Variants in REXO1 observed in about 807,000 individuals in gnomAD.
REXO1 encodes the protein REX1, RNA exonuclease 1 homolog.
REXO1 carries 42 observed loss-of-function variants against 102.6 expected under a neutral mutation model. The ratio of observed to expected loss-of-function variants is 0.41; its 90% CI spans 0.32 to 0.53. REXO1 has a LOEUF of 0.53. Ranked by LOEUF, REXO1 falls within the 20% of genes least tolerant of loss-of-function variation. REXO1 has a pLI of 0.27. For synonymous variants in REXO1, 908 were observed against 779.1 expected, an observed-to-expected ratio of 1.17 and a Z score of -2.76; for missense variants, 1,819 against 1,732.5, an observed-to-expected ratio of 1.05 and a Z score of -0.89.
chr19:1,821,694 CAG>C lies in REXO1; in HGVS notation c.2231-14_2231-13del, dbSNP rs769478753. The C allele has an allele frequency of 3.1e-5, 49 of 1,606,058 alleles. No individual in the cohort carries two copies. In the Admixed American group the frequency reaches 5.6e-4, roughly 18 times the overall value. ...GGCACCTGTGGGGGCTGGCGGGGCA[CAG>C]GGGGTGTGGGCACAGGGCGAGTGGC... On this transcript the variant is annotated splice_polypyrimidine_tract_variant and intron_variant, in intron 4 of 15. Transcript: ENST00000170168.
intron 4 of REXO1, chr19:1,821,893 C>G: frequency 1.7e-6 from 1 of 587,182 alleles, no homozygotes; most frequent in Non-Finnish European, 3.0e-6. Flanking sequence ...ACAGGTCAGG[C>G]TGCGGAGGCC....
rs755845516 is a variant in REXO1 at position 1,828,588 on chromosome 19, G to C, written c.201C>G (p.Pro67=). 5 of 1,603,024 alleles carry C rather than the reference G, an allele frequency of 3.1e-6. No homozygotes were observed. The highest frequency in any genetic ancestry group is 2.2e-5 in the East Asian group (1 of 44,876). The change falls in exon 2 of 16, where the codon CCC becomes CCG. Residue 67 remains proline (P), a synonymous_variant. Coordinates refer to ENST00000170168, the MANE Select transcript of REXO1 (RefSeq NM_020695.4). ...CCAGGGTGCCATTCTCCCTCTGCGC[G>C]GGGGGCTTGGGCAGCTCAGGGTTGT... ...DPYNPELPKP[P]AQRENGTLGL... is the part of the protein sequence containing the mutation.
chr19:1,818,969 G>A (rs544297343), intron 8 of REXO1, 49 bp downstream of exon 8: 170 of 1,565,566 alleles, frequency 1.1e-4, no homozygotes, highest in South Asian at 5.2e-4. Context: ...GGGCTGGGCC[G>A]GCAGAGGCCC....
At chr19:1,840,732 G>A (rs748932909) in intron 1 of REXO1, among the ~76,000 whole-genome samples, 12 of 149,526 alleles carry the variant, frequency 8.0e-5, no homozygotes, top group South Asian at 4.2e-4. Context: ...TCCTGGACCC[G>A]GGCCCACCCC....
chr19:1,844,538 T>C (rs909673030), intron 1 of REXO1, among the ~76,000 whole-genome samples: 3 of 152,158 alleles, frequency 2.0e-5, no homozygotes, highest in African/African-American at 7.2e-5. Context: ...GGGTACACAG[T>C]GGGTGGGCTT....
Position 1,817,283 on chromosome 19 carries a change from T to C in REXO1, c.3137A>G (p.Lys1046Arg), listed in dbSNP as rs2069396820. 6.2e-7 allele frequency: 1 copy of C among 1,613,240 alleles called. No homozygotes were observed. Among genetic ancestry groups the C allele is most frequent in the Non-Finnish European group, 8.5e-7 (1 of 1,180,020 alleles). Reference protein sequence around the residue: ...GRKERLEGFVKTFEKELSGDT... With the variant: ...GRKERLEGFVRTFEKELSGDT... ...TCCTGAGAGCTCTTTCTCAAAGGTC[T>C]TCACGAAGCCCTCAAGGCGCTCCTT... is the stretch of plus-strand genomic sequence containing the variant. The change falls in exon 12 of 16, where the codon AAG becomes AGG. Residue 1046 changes from lysine to arginine, a missense_variant. Lys to Arg is a conservative substitution (Grantham distance 26). Coordinates refer to ENST00000170168, the MANE Select transcript of REXO1 (RefSeq NM_020695.4).
rs1003651491 is a variant in REXO1 at position 1,838,241 on chromosome 19, C to T, written c.158-9610G>A. On this transcript the variant is annotated intron_variant, in intron 1 of 15. Coordinates refer to ENST00000170168, the MANE Select transcript of REXO1 (RefSeq NM_020695.4). The stretch of plus-strand genomic sequence containing the variant: ...CTGAGGCAGGAGAATTGCTTGAACC[C>T]GGAAGGTGGAGTCTGCAGTGAGCTG... Among the ~76,000 whole-genome samples, 24 of 150,410 alleles carry T rather than the reference C, an allele frequency of 1.6e-4. 1 individual carries two copies. The highest frequency in any genetic ancestry group is 4.2e-4 in the South Asian group (2 of 4,748).
In REXO1 at chr19:1,828,103, G is replaced by A. The variant is rs2069795606; in HGVS notation, c.686C>T (p.Pro229Leu). 6.2e-7 allele frequency: 1 copy of A among 1,612,948 alleles called. No individual in the cohort carries two copies. The highest frequency in any genetic ancestry group is 1.3e-5 in the African/African-American group (1 of 74,910). The change falls in exon 2 of 16, where the codon CCC becomes CTC. Residue 229 changes from proline (P) to leucine (L), a missense_variant. Physicochemically the swap from Pro to Leu is moderately conservative, Grantham distance 98. Coordinates refer to ENST00000170168, the MANE Select transcript of REXO1 (RefSeq NM_020695.4). ...GAGAGGGTCATACTCCAGGTCTGTG[G>A]GTGGCCTGGAGTTGTCCACCACGTA... ...GKYVVDNSRP[P>L]TDLEYDPLSN...
chr19:1,830,202 G>A (rs1398028107), intron 1 of REXO1, among the ~76,000 whole-genome samples: 1 of 152,198 alleles, frequency 6.6e-6, no homozygotes, highest in Non-Finnish European at 1.5e-5. Context: ...CTTGGAAGTT[G>A]ACCATTAGAA....
rs192242879 is a variant in REXO1 at position 1,822,276 on chromosome 19, A to T, written c.2231-594T>A. 3.1e-3 allele frequency: 554 copies of T among 179,300 alleles called. 1 individual carries two copies. Among genetic ancestry groups the T allele is most frequent in the Non-Finnish European group, 3.5e-3 (308 of 86,954 alleles). The allele number at this position is 179,300 out of a possible 1,614,324, so 11.1% of individuals were successfully genotyped here. On this transcript the variant is annotated intron_variant, in intron 4 of 15. Coordinates refer to ENST00000170168, the MANE Select transcript of REXO1 (RefSeq NM_020695.4). The stretch of plus-strand genomic sequence containing the variant: ...CATCTGGCCCTAGTCTCAGAGCAAC[A>T]TCCCTCGAAATGCCATCTGGCCCTG...
intron 3 of REXO1, among the ~76,000 whole-genome samples, chr19:1,825,041 C>T (rs918296254): frequency 4.2e-5 from 6 of 144,536 alleles, no homozygotes; most frequent in Non-Finnish European, 7.6e-5. Context: ...CACCTCTGGG[C>T]GCAGTGCCTC....
rs774540185 is a variant in REXO1, at chr19:1,816,668, C to A, written c.3317+30G>T. On this transcript the variant is annotated intron_variant, in intron 13 of 15. Coordinates refer to ENST00000170168, the MANE Select transcript of REXO1 (RefSeq NM_020695.4). ...CCCTGGGGAGAGGCGGCTGGGAGGG[C>A]TCCCAGCTCGTGGAGGGCACTGGCC... The A allele has an allele frequency of 2.5e-6, 4 of 1,607,412 alleles. No individual in the cohort carries two copies. The South Asian group carries it at 4.4e-5, about 18-fold the overall frequency.
At position 1,828,093 on chromosome 19, in the gene REXO1, C is replaced by T; in HGVS notation, c.696G>A (p.Leu232=). The part of the protein sequence containing the change: ...VVDNSRPPTD[L]EYDPLSNYSA... ...AGTAGTTGGAGAGAGGGTCATACTC[C>T]AGGTCTGTGGGTGGCCTGGAGTTGT... The change falls in exon 2 of 16, where the codon CTG becomes CTA. Residue 232 remains leucine, a synonymous_variant. Coordinates refer to ENST00000170168, the MANE Select transcript of REXO1 (RefSeq NM_020695.4). The T allele has an allele frequency of 1.2e-6, 2 of 1,613,172 alleles. No individual in the cohort carries two copies. The highest frequency in any genetic ancestry group is 1.7e-6 in the Non-Finnish European group (2 of 1,179,850).
chr19:1,817,055 G>A (rs1355699543), intron 12 of REXO1, 164 bp downstream of exon 12: 2 of 866,282 alleles, frequency 2.3e-6, no homozygotes, highest in Non-Finnish European at 3.5e-6. Context: ...CTGCTGGGAA[G>A]TATGGGGTGT....
At chr19:1,840,011 G>A (rs546607696) in intron 1 of REXO1, among the ~76,000 whole-genome samples, 1 of 152,322 alleles carries the variant, frequency 6.6e-6, no homozygotes, top group African/African-American at 2.4e-5. Flanking sequence ...TGTGAGAGGA[G>A]GAGGGAGGGG....
intron 1 of REXO1, among the ~76,000 whole-genome samples, chr19:1,832,404 G>A (rs145050102): frequency 2.6e-5 from 4 of 152,334 alleles, no homozygotes; most frequent in East Asian, 1.9e-4. Flanking sequence ...ACAGCTGCCC[G>A]CTGCCTGTAC....
At chr19:1,829,971 G>A (rs991460309) in intron 1 of REXO1, among the ~76,000 whole-genome samples, 1 of 152,154 alleles carries the variant, frequency 6.6e-6, no homozygotes, top group Non-Finnish European at 1.5e-5. Context: ...GTCTTCCCGG[G>A]GGGCAGCTGG....
At chr19:1,831,084 C>T (rs1384536840) in intron 1 of REXO1, among the ~76,000 whole-genome samples, 1 of 152,208 alleles carries the variant, frequency 6.6e-6, no homozygotes, top group African/African-American at 2.4e-5. Flanking sequence ...GGGCCCACAC[C>T]AAGCCCGCAG....
chr19:1,836,411 GC>G (rs1276149370), intron 1 of REXO1, among the ~76,000 whole-genome samples: 1 of 152,122 alleles, frequency 6.6e-6, no homozygotes, highest in African/African-American at 2.4e-5. Flanking sequence ...GGAGCCCCAG[GC>G]CCCTCCCACC....
Sources: allele counts gnomAD v4.1 joint callset (sites outside exome capture counted in the v4.1 genomes callset), GRCh38; gene constraint gnomAD v4.1.1; transcripts MANE v1.5; gene names NCBI Gene and HGNC (gene_info 2026-07-23, HGNC 2026-07-21).